The following EHMT1 variants were observed in gnomAD, a reference collection of about 807,000 sequenced individuals.
EHMT1 encodes the protein euchromatic histone lysine methyltransferase 1.
A neutral mutation model predicts 147.2 loss-of-function variants in EHMT1; 15 were observed. The ratio of observed to expected loss-of-function variants is 0.10; its 90% CI spans 0.07 to 0.16. EHMT1 has a LOEUF of 0.16. EHMT1 is among the 10% of genes least tolerant of loss of function. The probability of loss-of-function intolerance (pLI) is 1.00; values close to 1 mark genes in which losing one functional copy is unlikely to be tolerated. For synonymous variants in EHMT1, 795 were observed against 709.6 expected, an observed-to-expected ratio of 1.12 and a Z score of -1.91; for missense variants, 1,587 against 1,772.4, an observed-to-expected ratio of 0.90 and a Z score of 1.88.
chr9:137,654,577 A>G (rs1938233798), intron 1 of EHMT1, among the ~76,000 whole-genome samples: 1 of 151,686 alleles, frequency 6.6e-6, no homozygotes. Context: ...CTTTTTCCAG[A>G]TTGTTTTGGC....
At chr9:137,741,870 C>G (rs188095921) in intron 4 of EHMT1, among the ~76,000 whole-genome samples, 9 of 152,292 alleles carry the variant, frequency 5.9e-5, no homozygotes, top group Admixed American at 5.9e-4. Context: ...ATATTTAAAG[C>G]TGAGAGACTT....
At position 137,743,431 on chromosome 9, in the gene EHMT1, C is replaced by T; in HGVS notation, c.884C>T (p.Thr295Ile). Residue 295 changes from threonine to isoleucine, a missense_variant, in exon 5 of 27, where the codon ACC becomes ATC. By Grantham distance (89) the Thr-to-Ile change is moderately conservative. Coordinates refer to ENST00000460843, the MANE Select transcript of EHMT1 (RefSeq NM_024757.5). Reference protein sequence around the residue: ...VSRKKKRRMGTYSLVPKKKTK... With the variant: ...VSRKKKRRMGIYSLVPKKKTK... ...CGGAAGAAAAAACGAAGAATGGGAA[C>T]CTATAGCCTGGTTCCTAAGAAAAAG... 6.2e-7 allele frequency: 1 copy of T among 1,612,772 alleles called. No homozygotes were observed. Among genetic ancestry groups the T allele is most frequent in the Non-Finnish European group, 8.5e-7 (1 of 1,179,900 alleles).
At chr9:137,799,731 C>T (rs904906460) in intron 17 of EHMT1, among the ~76,000 whole-genome samples, 85 of 152,370 alleles carry the variant, frequency 5.6e-4, no homozygotes, top group African/African-American at 2.0e-3. Flanking sequence ...GTTGTTGACG[C>T]CCAGCTTCTG....
At chr9:137,762,114 T>C (rs1463300809) in intron 9 of EHMT1, among the ~76,000 whole-genome samples, 3 of 152,274 alleles carry the variant, frequency 2.0e-5, no homozygotes, top group Non-Finnish European at 4.4e-5. Flanking sequence ...CAGCTGCATA[T>C]TGAGCTCTAA....
chr9:137,747,851 G>T (rs1454837865), intron 6 of EHMT1: 1 of 151,362 alleles, frequency 6.6e-6, no homozygotes, highest in African/African-American at 2.4e-5. Flanking sequence ...TGCTAACCGT[G>T]TAGGATGGTC....
intron 1 of EHMT1, among the ~76,000 whole-genome samples, chr9:137,704,101 T>A (rs1944054999): frequency 6.6e-6 from 1 of 152,088 alleles, no homozygotes. Context: ...CCAGATCTTG[T>A]GAGATATATC....
At position 137,662,701 on chromosome 9, in the gene EHMT1, G is replaced by A. The variant is rs748667557; in HGVS notation, c.21+43652G>A. ...TTTTTAGTAGAGATGGGGTTTCACC[G>A]TGTTGGCCCGGCTGGTCTCGAACTC... On this transcript the variant is annotated intron_variant, in intron 1 of 26. Transcript: ENST00000460843. Among the ~76,000 whole-genome samples the A allele has an allele frequency of 3.3e-5, 5 of 152,026 alleles. No homozygotes were observed. The East Asian group carries it at 7.7e-4, about 24-fold the overall frequency.
intron 1 of EHMT1, among the ~76,000 whole-genome samples, chr9:137,709,650 C>T (rs1029142221): frequency 7.0e-6 from 1 of 143,322 alleles, no homozygotes; most frequent in Admixed American, 7.2e-5. Flanking sequence ...ACGCTGGACA[C>T]CCGGGTTTTT....
At chr9:137,694,726 G>A (rs1943255278) in intron 1 of EHMT1, among the ~76,000 whole-genome samples, 1 of 152,216 alleles carries the variant, frequency 6.6e-6, no homozygotes, top group South Asian at 2.1e-4. Context: ...CACACAGGCA[G>A]GAGCTGTTAG....
At chr9:137,717,313 TAGG>T (rs1214785704) in intron 3 of EHMT1, 131 bp downstream of exon 3, 2 of 1,229,378 alleles carry the variant, frequency 1.6e-6, no homozygotes, top group Admixed American at 4.0e-5. Flanking sequence ...TATGAGGAGC[TAGG>T]AGAAGGCCGG....
rs11137251 is a variant in EHMT1 at position 137,822,762 on chromosome 9, G to A, written c.3540+4624G>A. Among the ~76,000 whole-genome samples, 543 of 151,992 alleles carry A rather than the reference G, an allele frequency of 3.6e-3. 2 individuals are homozygous for A. The highest frequency in any genetic ancestry group is 0.011 in the African/African-American group (451 of 41,460). On this transcript the variant is annotated intron_variant, in intron 25 of 26. Transcript: ENST00000460843. Reference sequence around the variant, plus strand: ...ACAAAAATTAGCCGGGTGTGGTGGCGCATGCCTGTAATCCCAGTTACTCGG... The same window carrying A: ...ACAAAAATTAGCCGGGTGTGGTGGCACATGCCTGTAATCCCAGTTACTCGG...
At chr9:137,801,689 G>A (rs1953503801) in intron 18 of EHMT1, among the ~76,000 whole-genome samples, 1 of 152,118 alleles carries the variant, frequency 6.6e-6, no homozygotes, top group African/African-American at 2.4e-5. Context: ...AGTAGAGACG[G>A]GGTTTTACCG....
intron 1 of EHMT1, among the ~76,000 whole-genome samples, chr9:137,671,525 T>C (rs199568319): frequency 0.033 from 4,690 of 144,296 alleles, 250 homozygotes; most frequent in African/African-American, 0.12. Context: ...TCTTTCTTTT[T>C]TTTTTTTTTT....
chr9:137,752,137 G>A (rs1271186934), intron 6 of EHMT1, among the ~76,000 whole-genome samples, 194 bp from the exon 7 acceptor site: 1 of 152,186 alleles, frequency 6.6e-6, no homozygotes, highest in Non-Finnish European at 1.5e-5. Flanking sequence ...GCCCTGCCTG[G>A]ACCAGCACTC....
rs1232010857 is a variant in EHMT1 at position 137,777,811 on chromosome 9, C to T, written c.2019-71C>T. 1.8e-5 allele frequency: 29 copies of T among 1,594,652 alleles called. No individual in the cohort carries two copies. In the East Asian group the frequency reaches 2.7e-4, roughly 15 times the overall value. ...GCTCTCACTTAGAAAACAGCGCTCT[C>T]GGGCAGTCAGAGTCGGAACAGGCCA... is the stretch of plus-strand genomic sequence containing the variant. On this transcript the variant is annotated intron_variant, in intron 12 of 26. Transcript: ENST00000460843.
intron 1 of EHMT1, among the ~76,000 whole-genome samples, chr9:137,649,570 A>G (rs1450617429): frequency 6.6e-6 from 1 of 152,202 alleles, no homozygotes; most frequent in African/African-American, 2.4e-5. Flanking sequence ...AGATGTAATT[A>G]ATTAAGGATC....
At position 137,776,086 on chromosome 9, in the gene EHMT1, C is replaced by T. The variant is rs1950936709; in HGVS notation, c.1792-532C>T. On this transcript the variant is annotated intron_variant, in intron 11 of 26. Coordinates refer to ENST00000460843, the MANE Select transcript of EHMT1 (RefSeq NM_024757.5). The surrounding 1 kb of genome is among the most constrained non-coding windows in gnomAD (Gnocchi z 4.4). The stretch of plus-strand genomic sequence containing the variant: ...GGACTTCACACCTTGCATGTCCTCC[C>T]CATCTTCAAACATCCTTTTTTTGGT... 6.6e-6 allele frequency among the ~76,000 whole-genome samples: 1 copy of T among 152,198 alleles called. No individual in the cohort carries two copies. The highest frequency in any genetic ancestry group is 1.5e-5 in the Non-Finnish European group (1 of 68,032).
chr9:137,830,314 G>C (rs192481289), intron 25 of EHMT1, among the ~76,000 whole-genome samples: 2 of 152,282 alleles, frequency 1.3e-5, no homozygotes, highest in Admixed American at 1.3e-4. Flanking sequence ...GGATGTCCTT[G>C]TGCTTTTGGA....
intron 25 of EHMT1, among the ~76,000 whole-genome samples, chr9:137,831,168 C>A (rs1225643645): frequency 1.3e-5 from 2 of 152,220 alleles, no homozygotes; most frequent in Admixed American, 6.5e-5. Flanking sequence ...ACCTTGGGGT[C>A]TCAGCCTGTG....
Sources: allele counts gnomAD v4.1 joint callset (sites outside exome capture counted in the v4.1 genomes callset), GRCh38; gene constraint gnomAD v4.1.1; non-coding constraint Gnocchi (gnomAD v3.1); transcripts MANE v1.5; gene names NCBI Gene and HGNC (gene_info 2026-07-23, HGNC 2026-07-21).